SOS1: variants seen among roughly 807,000 people sequenced by gnomAD.
SOS1 encodes son of sevenless homolog 1.
In SOS1, 25 loss-of-function variants were observed where a neutral mutation model predicts 157.6. The observed-to-expected ratio is 0.16, with a 90% CI of 0.12 to 0.22. The LOEUF is 0.22. SOS1 is among the 10% of genes least tolerant of loss of function. The pLI, the probability that SOS1 is intolerant of heterozygous loss-of-function variation, is 1.00. For synonymous variants in SOS1, 528 were observed against 534.0 expected (o/e 0.99, Z 0.16); for missense variants, 1,237 against 1,599.1 (o/e 0.77, Z 3.86).
In SOS1 at chr2:39,069,190, C is replaced by CAAAAAA. The variant is rs869178369; in HGVS notation, c.88-1443_88-1438dup. Among the ~76,000 whole-genome samples, 14 of 46,760 alleles carry CAAAAAA rather than the reference C, an allele frequency of 3.0e-4. 3 individuals are homozygous for CAAAAAA. Among genetic ancestry groups the CAAAAAA allele is most frequent in the East Asian group, 2.0e-3 (2 of 978 alleles). 30.7% of individuals were successfully genotyped at this position (46,760 alleles called of 152,430 possible). A position where few individuals can be genotyped will look rare whatever the true frequency, so the allele number is the denominator to read the frequency against. ...GGGAAAACCTGTCTCTACCAAAAAG[C>CAAAAAA]AAAAAAAAAAAAAAAAAAAAAAAAA... On this transcript the variant is annotated intron_variant, in intron 1 of 22. Coordinates refer to ENST00000402219, the MANE Select transcript of SOS1 (RefSeq NM_005633.4).
At chr2:39,083,325 T>C (rs1672272071) in intron 1 of SOS1, among the ~76,000 whole-genome samples, 1 of 152,034 alleles carries the variant, frequency 6.6e-6, no homozygotes, top group Non-Finnish European at 1.5e-5. Context: ...AGCAAGCAGA[T>C]GAAGATGAGG....
chr2:39,119,763 A>C (rs999488539), intron 1 of SOS1, among the ~76,000 whole-genome samples: 3 of 152,216 alleles, frequency 2.0e-5, no homozygotes, highest in Non-Finnish European at 4.4e-5. Flanking sequence ...AAAACAAAAC[A>C]AAACCCCCCT....
In SOS1 at chr2:38,995,174, T is replaced by C. The variant is rs750731426; in HGVS notation, c.3295A>G (p.Thr1099Ala). 1.9e-6 allele frequency: 3 copies of C among 1,614,062 alleles called. No homozygotes were observed. Among genetic ancestry groups the C allele is most frequent in the East Asian group, 2.2e-5 (1 of 44,876 alleles). ...PPPASGASST[T>A]DVCSVFDSDH... Reference sequence around the variant, plus strand: ...GAATCAAATACACTGCAAACATCTGTGGTACTGGAAGCACCAGAAGCAGGC... The same window carrying C: ...GAATCAAATACACTGCAAACATCTGCGGTACTGGAAGCACCAGAAGCAGGC... The change falls in exon 20 of 23, where the codon ACA becomes GCA. Residue 1099 changes from threonine (T) to alanine (A), a missense_variant. Physicochemically the swap from Thr to Ala is moderately conservative, Grantham distance 58. Around this residue, in one of 15 missense-constraint regions of SOS1, gnomAD observed 306 missense variants for 322.6 expected, o/e 0.95. Transcript: ENST00000402219.
At chr2:39,099,547 A>G (rs1252149930) in intron 1 of SOS1, among the ~76,000 whole-genome samples, 1 of 152,150 alleles carries the variant, frequency 6.6e-6, no homozygotes, top group South Asian at 2.1e-4. Context: ...TATACTAAAA[A>G]CTACTGAATT....
At chr2:39,102,938 G>A (rs1673026317) in intron 1 of SOS1, among the ~76,000 whole-genome samples, 1 of 152,024 alleles carries the variant, frequency 6.6e-6, no homozygotes, top group African/African-American at 2.4e-5. Flanking sequence ...CTGGGTGACA[G>A]GGCGAGACCC....
intron 6 of SOS1, among the ~76,000 whole-genome samples, chr2:39,038,128 C>G (rs779229900): frequency 1.3e-5 from 2 of 152,124 alleles, no homozygotes; most frequent in African/African-American, 2.4e-5. Flanking sequence ...ATAGTGATTC[C>G]TCTGCTGCAG....
chr2:39,084,796 A>T (rs374282968), intron 1 of SOS1, among the ~76,000 whole-genome samples: 121 of 152,320 alleles, frequency 7.9e-4, no homozygotes, highest in African/African-American at 2.9e-3. Context: ...CTTTAAAAAC[A>T]GTATGACCTT....
In SOS1 at chr2:39,119,945, C is replaced by T. The variant is rs143426937; in HGVS notation, c.87+391G>A. Among the ~76,000 whole-genome samples, 104 of 152,296 alleles carry T rather than the reference C, an allele frequency of 6.8e-4. No homozygotes were observed. The East Asian group carries it at 6.9e-3, about 10-fold the overall frequency. On this transcript the variant is annotated intron_variant, in intron 1 of 22. Coordinates refer to ENST00000402219, the MANE Select transcript of SOS1 (RefSeq NM_005633.4). ...CAGGGCATTCTCAAGCCACTAAAAC[C>T]AGCGTACTGGACACCTAAAACGGTA...
At chr2:39,114,808 G>A (rs1273353838) in intron 1 of SOS1, among the ~76,000 whole-genome samples, 2 of 152,284 alleles carry the variant, frequency 1.3e-5, no homozygotes, top group South Asian at 2.1e-4. Flanking sequence ...ATGTTGGCCA[G>A]GCTGGTCTCA....
chr2:38,993,598 T>C (rs1668797959), intron 20 of SOS1: 1 of 152,196 alleles, frequency 6.6e-6, no homozygotes, highest in South Asian at 2.1e-4. Flanking sequence ...TTTAAGTATA[T>C]TTTTAGTTAG....
At chr2:39,011,523 G>A (rs1669473205) in intron 14 of SOS1, among the ~76,000 whole-genome samples, 1 of 151,970 alleles carries the variant, frequency 6.6e-6, no homozygotes, top group South Asian at 2.1e-4. Context: ...TCAGAAATAC[G>A]ATTTTCAGTG....
At chr2:39,004,090 A>G (rs796493900) in intron 17 of SOS1, among the ~76,000 whole-genome samples, 7 of 152,294 alleles carry the variant, frequency 4.6e-5, no homozygotes, top group African/African-American at 1.7e-4. Context: ...GCAGGGGTAT[A>G]GGAAGTCAGT....
At chr2:39,047,465 TTACACC>T (rs1670831855) in intron 6 of SOS1, among the ~76,000 whole-genome samples, 1 of 152,158 alleles carries the variant, frequency 6.6e-6, no homozygotes, top group African/African-American at 2.4e-5. Context: ...CTGTACCAAA[TTACACC>T]CTAGCCCCCA....
chr2:39,123,675 G>A (rs1036277663), upstream of SOS1, among the ~76,000 whole-genome samples: 2 of 152,098 alleles, frequency 1.3e-5, no homozygotes, highest in African/African-American at 4.8e-5. Context: ...ACAATCTTGT[G>A]CGTTTCGTTC....
upstream of SOS1, chr2:39,124,097 G>A (rs577408753): frequency 6.6e-6 from 1 of 152,378 alleles, no homozygotes; most frequent in Non-Finnish European, 1.5e-5. Flanking sequence ...GAGACCTACA[G>A]GGAGTGCCAG....
intron 10 of SOS1, among the ~76,000 whole-genome samples, chr2:39,015,885 T>C (rs1343646098): frequency 6.6e-6 from 1 of 151,448 alleles, no homozygotes; most frequent in Non-Finnish European, 1.5e-5. Flanking sequence ...TTCCTATTTG[T>C]ATTAGGGACT....
chr2:39,040,744 T>C (rs186987590), intron 6 of SOS1, among the ~76,000 whole-genome samples: 6 of 152,358 alleles, frequency 3.9e-5, no homozygotes, highest in African/African-American at 1.4e-4. Flanking sequence ...CATTCATCTG[T>C]TGATGGACAT....
intron 14 of SOS1, 114 bp downstream of exon 14, chr2:39,012,012 C>T: frequency 1.2e-6 from 1 of 801,480 alleles, no homozygotes; most frequent in Non-Finnish European, 2.2e-6. Flanking sequence ...CTAGACACTT[C>T]ATGTAATATT....
chr2:39,026,055 T>G (rs1054638363), intron 8 of SOS1, among the ~76,000 whole-genome samples: 3 of 152,176 alleles, frequency 2.0e-5, no homozygotes, highest in Non-Finnish European at 4.4e-5. Flanking sequence ...CTTAACTGTG[T>G]TAAGTAAAAG....
Sources: gnomAD v4.1 joint callset for allele counts (sites outside exome capture counted in the v4.1 genomes callset) on GRCh38, gnomAD v4.1.1 for gene constraint, gnomAD v4.1.1 regional missense constraint, MANE v1.5 for transcripts, NCBI Gene and HGNC (gene_info 2026-07-23, HGNC 2026-07-21) for gene names.